Variants in MAD1L1 observed in about 807,000 individuals in gnomAD.
MAD1L1 encodes mitotic spindle assembly checkpoint protein MAD1.
In MAD1L1, 95 loss-of-function variants were observed where a neutral mutation model predicts 96.9. That is an observed-to-expected ratio of 0.98 (90% CI 0.83 to 1.16). The LOEUF (loss-of-function observed/expected upper bound fraction) is 1.16, where lower values mean the gene tolerates loss of function less well. MAD1L1 is among the 50% of genes most tolerant of loss of function. The probability of loss-of-function intolerance (pLI) is 0.00; values close to 1 mark genes in which losing one functional copy is unlikely to be tolerated. For synonymous variants in MAD1L1, 473 were observed against 396.6 expected (o/e 1.19, Z -2.29); for missense variants, 1,007 against 954.4 (o/e 1.06, Z -0.73).
At chr7:1,857,341 G>A (rs1335225528) in intron 18 of MAD1L1, among the ~76,000 whole-genome samples, 1 of 152,150 alleles carries the variant, frequency 6.6e-6, no homozygotes, top group African/African-American at 2.4e-5. Flanking sequence ...TGCTCGGGGG[G>A]CGGCACAAGG....
At chr7:1,998,183 G>C (rs886741011) in intron 14 of MAD1L1, among the ~76,000 whole-genome samples, 2 of 152,220 alleles carry the variant, frequency 1.3e-5, no homozygotes, top group Non-Finnish European at 2.9e-5. Flanking sequence ...GGAGAAGCCA[G>C]CACTCCAGGG....
chr7:1,934,343 C>T (rs1047492458), intron 17 of MAD1L1, among the ~76,000 whole-genome samples: 11 of 152,172 alleles, frequency 7.2e-5, no homozygotes, highest in East Asian at 5.8e-4. Flanking sequence ...GCCTGAGACG[C>T]GCAGAGACCC....
chr7:1,938,995 A>T (rs1274314659), intron 16 of MAD1L1, among the ~76,000 whole-genome samples: 1 of 133,392 alleles, frequency 7.5e-6, no homozygotes, highest in Non-Finnish European at 1.6e-5. Flanking sequence ...AGGCGCACAC[A>T]CACGCACACA....
intron 17 of MAD1L1, among the ~76,000 whole-genome samples, chr7:1,935,269 G>T (rs997091298): frequency 6.6e-6 from 1 of 152,274 alleles, no homozygotes. Context: ...CAGAAAGGGG[G>T]CTGGGGACAT....
intron 12 of MAD1L1, among the ~76,000 whole-genome samples, chr7:2,061,807 T>C (rs776188023): frequency 1.3e-5 from 2 of 152,232 alleles, no homozygotes; most frequent in South Asian, 2.1e-4. Flanking sequence ...TTTTATACAA[T>C]GGAAAACTTA....
At chr7:2,153,077 T>C (rs1464773984) in intron 10 of MAD1L1, among the ~76,000 whole-genome samples, 1 of 151,840 alleles carries the variant, frequency 6.6e-6, no homozygotes, top group Non-Finnish European at 1.5e-5. Context: ...CCCAAAAATA[T>C]AAAAAATACT....
chr7:1,859,291 T>G (rs775736075), intron 18 of MAD1L1, among the ~76,000 whole-genome samples: 1 of 152,200 alleles, frequency 6.6e-6, no homozygotes, highest in African/African-American at 2.4e-5. Flanking sequence ...CAGGCCACAG[T>G]GGCAACGACA....
At chr7:2,094,727 C>T (rs1257168156) in intron 11 of MAD1L1, among the ~76,000 whole-genome samples, 1 of 137,994 alleles carries the variant, frequency 7.2e-6, no homozygotes. Context: ...GGCAGGAGCA[C>T]AGCTCGCAGG....
chr7:2,170,853 G>C (rs1790673527), intron 10 of MAD1L1, among the ~76,000 whole-genome samples: 1 of 152,172 alleles, frequency 6.6e-6, no homozygotes, highest in Admixed American at 6.5e-5. Flanking sequence ...TGCCTGCCGT[G>C]GGTACTGAGT....
chr7:2,205,633 G>A (rs918607550), intron 10 of MAD1L1, among the ~76,000 whole-genome samples: 6 of 152,224 alleles, frequency 3.9e-5, no homozygotes, highest in Middle Eastern at 3.4e-3. Flanking sequence ...GAGTTATCTC[G>A]CGTCCACCTC....
intron 11 of MAD1L1, among the ~76,000 whole-genome samples, chr7:2,070,344 G>T (rs759573674): frequency 6.6e-6 from 1 of 152,184 alleles, no homozygotes; most frequent in Non-Finnish European, 1.5e-5. Context: ...GAGAGGAGAG[G>T]CTGTCCCAGG....
At chr7:2,168,948 T>C (rs1790574949) in intron 10 of MAD1L1, among the ~76,000 whole-genome samples, 1 of 152,220 alleles carries the variant, frequency 6.6e-6, no homozygotes. Context: ...GAACACGCGC[T>C]CGGACTTGCT....
Position 1,837,599 on chromosome 7 carries a change from G to A in MAD1L1, c.1999-21371C>T, listed in dbSNP as rs1583507617. Among the ~76,000 whole-genome samples the A allele has an allele frequency of 2.0e-5, 3 of 152,376 alleles. No individual in the cohort carries two copies. In the East Asian group the frequency reaches 5.8e-4, roughly 29 times the overall value. On this transcript the variant is annotated intron_variant, in intron 18 of 18. Coordinates refer to ENST00000265854, the MANE Select transcript of MAD1L1 (RefSeq NM_001013836.2). ...GACATTGTGGTCTATCCGTATGACT[G>A]TAAAGGGATAAACTGTTGATACCAT...
rs534809876 is a variant in MAD1L1 at position 1,996,613 on chromosome 7, C to A, written c.1416+5452G>T. On this transcript the variant is annotated intron_variant, in intron 14 of 18. Coordinates refer to ENST00000265854, the MANE Select transcript of MAD1L1 (RefSeq NM_001013836.2). ...ACACCCTTCCCATTTCAGAGATGGACAAAGAAGGGTGGGGGACGGGAAGCA... is the reference window on the plus strand; with the variant it reads ...ACACCCTTCCCATTTCAGAGATGGAAAAAGAAGGGTGGGGGACGGGAAGCA... Among the ~76,000 whole-genome samples, 23 of 152,310 alleles carry A rather than the reference C, an allele frequency of 1.5e-4. No individual in the cohort carries two copies. The South Asian group carries it at 4.8e-3, about 32-fold the overall frequency.
At chr7:2,180,131 G>A (rs1022750963) in intron 10 of MAD1L1, among the ~76,000 whole-genome samples, 5 of 152,186 alleles carry the variant, frequency 3.3e-5, no homozygotes, top group African/African-American at 1.2e-4. Context: ...TCACCAGAAC[G>A]CTGACACAGA....
chr7:1,886,301 C>T (rs113487441), intron 18 of MAD1L1, among the ~76,000 whole-genome samples: 87 of 152,350 alleles, frequency 5.7e-4, no homozygotes, highest in African/African-American at 1.9e-3. Context: ...GGTGGGCTGG[C>T]AGATATGCCC....
At chr7:2,099,790 C>G (rs1485131081) in intron 11 of MAD1L1, among the ~76,000 whole-genome samples, 1 of 152,232 alleles carries the variant, frequency 6.6e-6, no homozygotes, top group Non-Finnish European at 1.5e-5. Flanking sequence ...GGGAGGAGCC[C>G]CTGGTAGGCC....
Position 2,008,298 on chromosome 7 carries a change from G to A in MAD1L1, c.1360-6177C>T, listed in dbSNP as rs143626099. 4.0e-3 allele frequency among the ~76,000 whole-genome samples: 602 copies of A among 152,292 alleles called. 6 individuals carry two copies. The highest frequency in any genetic ancestry group is 0.013 in the African/African-American group (545 of 41,560). On this transcript the variant is annotated intron_variant, in intron 13 of 18. Transcript: ENST00000265854. ...CTCGGTAGGGTTCCTCCAGGAAACCGCATCTGTGATGGAGGCAGTGGGTGG... is the reference window on the plus strand; with the variant it reads ...CTCGGTAGGGTTCCTCCAGGAAACCACATCTGTGATGGAGGCAGTGGGTGG...
chr7:1,935,838 C>T (rs544451492), intron 17 of MAD1L1, among the ~76,000 whole-genome samples: 3 of 152,228 alleles, frequency 2.0e-5, no homozygotes, highest in African/African-American at 7.2e-5. Flanking sequence ...CTGCAGACAC[C>T]CCCAAGGGAG....
Sources: allele counts gnomAD v4.1 joint callset (sites outside exome capture counted in the v4.1 genomes callset), GRCh38; gene constraint gnomAD v4.1.1; transcripts MANE v1.5; gene names NCBI Gene and HGNC (gene_info 2026-07-23, HGNC 2026-07-21).